The following SGCZ variants were observed in gnomAD, a reference collection of about 807,000 sequenced individuals.
SGCZ encodes the protein sarcoglycan zeta, also known as zeta-sarcoglycan.
Under a neutral mutation model 41.3 loss-of-function variants are expected in SGCZ, and 40 were observed. That is an observed-to-expected ratio of 0.97 (90% CI 0.75 to 1.26). SGCZ has a LOEUF of 1.26. Among genes scored for constraint, SGCZ ranks in the 50% most tolerant of loss-of-function variants. The pLI is 0.00. For synonymous variants in SGCZ, 206 were observed against 137.5 expected (o/e 1.50, Z -3.49); for missense variants, 552 against 369.8 (o/e 1.49, Z -4.04).
chr8:14,129,926 C>T (rs530814985), intron 5 of SGCZ, among the ~76,000 whole-genome samples: 1 of 152,240 alleles, frequency 6.6e-6, no homozygotes, highest in South Asian at 2.1e-4. Context: ...AAGTATTCTT[C>T]AGATTCAATG....
At chr8:14,589,374 A>G (rs1036413241) in intron 1 of SGCZ, among the ~76,000 whole-genome samples, 1 of 151,812 alleles carries the variant, frequency 6.6e-6, no homozygotes, top group African/African-American at 2.4e-5. Flanking sequence ...AGAAATTTTA[A>G]TATATAACCT....
At chr8:14,946,285 T>C (rs1800443515) in intron 1 of SGCZ, among the ~76,000 whole-genome samples, 1 of 151,094 alleles carries the variant, frequency 6.6e-6, no homozygotes, top group Non-Finnish European at 1.5e-5. Context: ...GAGATGTCAG[T>C]AAACTGTTCA....
intron 1 of SGCZ, among the ~76,000 whole-genome samples, chr8:15,173,999 G>C (rs916826058): frequency 6.6e-6 from 1 of 152,182 alleles, no homozygotes; most frequent in Non-Finnish European, 1.5e-5. Context: ...TGGGATTACA[G>C]GTGTGAGCCA....
intron 1 of SGCZ, among the ~76,000 whole-genome samples, chr8:14,828,085 G>T (rs1039668175): frequency 6.6e-6 from 1 of 152,132 alleles, no homozygotes; most frequent in African/African-American, 2.4e-5. Context: ...ATCTCTATTA[G>T]AAAAGTAATT....
At chr8:14,937,952 G>A (rs1285481700) in intron 1 of SGCZ, among the ~76,000 whole-genome samples, 1 of 152,064 alleles carries the variant, frequency 6.6e-6, no homozygotes, top group East Asian at 1.9e-4. Context: ...GGATTCATGA[G>A]CTAAGTACAT....
chr8:14,831,356 C>G (rs973039421), intron 1 of SGCZ, among the ~76,000 whole-genome samples: 1 of 152,104 alleles, frequency 6.6e-6, no homozygotes, highest in African/African-American at 2.4e-5. Flanking sequence ...CCCACACATG[C>G]AGGCAATCAA....
At chr8:15,005,457 G>T (rs6984168) in intron 1 of SGCZ, among the ~76,000 whole-genome samples, 18,635 of 149,572 alleles carry the variant, frequency 0.12, 1,280 homozygotes, top group Admixed American at 0.21. Flanking sequence ...TCAGCCTCCC[G>T]AGTAGCTGCC....
intron 1 of SGCZ, among the ~76,000 whole-genome samples, chr8:14,658,828 G>T (rs982806083): frequency 2.0e-5 from 3 of 151,542 alleles, no homozygotes; most frequent in Non-Finnish European, 4.4e-5. Flanking sequence ...ATCTAGCAGA[G>T]AGCAGATGCT....
intron 3 of SGCZ, among the ~76,000 whole-genome samples, chr8:14,314,887 CAA>C (rs1336227404): frequency 1.3e-5 from 2 of 152,120 alleles, no homozygotes; most frequent in East Asian, 3.9e-4. Context: ...AGGATGCATA[CAA>C]CCCCTAGAAG....
intron 1 of SGCZ, among the ~76,000 whole-genome samples, chr8:14,816,929 T>C (rs1265089981): frequency 6.6e-6 from 1 of 152,228 alleles, no homozygotes; most frequent in African/African-American, 2.4e-5. Flanking sequence ...AATACATATA[T>C]CACAATTACT....
chr8:14,648,724 C>T (rs915419459), intron 1 of SGCZ, among the ~76,000 whole-genome samples: 7 of 151,810 alleles, frequency 4.6e-5, no homozygotes, highest in African/African-American at 1.7e-4. Flanking sequence ...TTATAGACGG[C>T]CGAGTGTCTA....
At chr8:14,671,931 C>A (rs116118749) in intron 1 of SGCZ, among the ~76,000 whole-genome samples, 2 of 152,008 alleles carry the variant, frequency 1.3e-5, no homozygotes, top group Non-Finnish European at 2.9e-5. Flanking sequence ...ACATATTTTG[C>A]CATTTTGCCT....
intron 3 of SGCZ, among the ~76,000 whole-genome samples, chr8:14,287,336 C>T (rs1039533609): frequency 4.6e-5 from 7 of 151,770 alleles, no homozygotes; most frequent in Non-Finnish European, 5.9e-5. Context: ...TTAAGTTGAA[C>T]ATAATTTAAT....
chr8:14,770,456 G>T (rs1800197275), intron 1 of SGCZ, among the ~76,000 whole-genome samples: 1 of 151,436 alleles, frequency 6.6e-6, no homozygotes, highest in South Asian at 2.1e-4. Context: ...GGAGAGGGAG[G>T]TAAACTCATG....
chr8:14,887,900 A>G (rs1223741781), intron 1 of SGCZ, among the ~76,000 whole-genome samples: 4 of 152,198 alleles, frequency 2.6e-5, no homozygotes, highest in East Asian at 1.9e-4. Flanking sequence ...GTTGTATCCC[A>G]TTGTGTTTAC....
chr8:14,734,408 T>C (rs1349837012), intron 1 of SGCZ, among the ~76,000 whole-genome samples: 1 of 152,116 alleles, frequency 6.6e-6, no homozygotes, highest in African/African-American at 2.4e-5. Flanking sequence ...TTCAAAGAAG[T>C]GCTATGATAC....
At chr8:14,755,427 G>A (rs1049324161) in intron 1 of SGCZ, among the ~76,000 whole-genome samples, 1 of 80,462 alleles carries the variant, frequency 1.2e-5, no homozygotes, top group Non-Finnish European at 2.4e-5. Context: ...TTAAGTGTCA[G>A]CTGGTTTTTC....
chr8:15,205,318 C>A lies in SGCZ; in HGVS notation c.39+32267G>T, dbSNP rs147420850. Among the ~76,000 whole-genome samples the A allele has an allele frequency of 2.6e-5, 4 of 152,240 alleles. No homozygotes were observed. In the East Asian group the frequency reaches 7.7e-4, roughly 29 times the overall value. On this transcript the variant is annotated intron_variant, in intron 1 of 7. Coordinates refer to ENST00000382080, the MANE Select transcript of SGCZ (RefSeq NM_139167.4). ...AGGAACTATCAACAGAGTAAACAGA[C>A]AACCTACAGAATGGGAGAAAATATT...
At chr8:14,276,316 C>T (rs980611186) in intron 3 of SGCZ, among the ~76,000 whole-genome samples, 1 of 152,148 alleles carries the variant, frequency 6.6e-6, no homozygotes, top group Non-Finnish European at 1.5e-5. Flanking sequence ...GTCACAGCTT[C>T]TTAGGGATCT....
Sources: gnomAD v4.1 joint callset for allele counts (sites outside exome capture counted in the v4.1 genomes callset) on GRCh38, gnomAD v4.1.1 for gene constraint, MANE v1.5 for transcripts, NCBI Gene and HGNC (gene_info 2026-07-23, HGNC 2026-07-21) for gene names.